Variants in FCMR observed in about 807,000 individuals in gnomAD.
FCMR encodes the protein immunoglobulin mu Fc receptor.
Under a neutral mutation model 41.6 loss-of-function variants are expected in FCMR, and 34 were observed. The observed-to-expected ratio is 0.82, with a 90% CI of 0.62 to 1.09. FCMR has a LOEUF of 1.09. Among genes scored for constraint, FCMR ranks in the 50% least tolerant of loss-of-function variants. The pLI, the probability that FCMR is intolerant of heterozygous loss-of-function variation, is 0.00. For missense variants in FCMR, 496 were observed against 512.5 expected, an observed-to-expected ratio of 0.97 and a Z score of 0.31; for synonymous variants, 209 against 211.8, an observed-to-expected ratio of 0.99 and a Z score of 0.12.
At chr1:206,916,407 A>G (rs985682318) in intron 1 of FCMR, among the ~76,000 whole-genome samples, 1 of 152,222 alleles carries the variant, frequency 6.6e-6, no homozygotes. Context: ...GCAAGATGGT[A>G]CACAACGGGC....
Position 206,909,862 on chromosome 1 carries a change from G to T in FCMR, c.848C>A (p.Ser283Tyr). The T allele has an allele frequency of 7.2e-7, 1 of 1,382,368 alleles. No individual in the cohort carries two copies. The highest frequency in any genetic ancestry group is 9.4e-7 in the Non-Finnish European group (1 of 1,069,436). The allele number at this position is 1,382,368 out of a possible 1,614,324, so 85.6% of individuals were successfully genotyped here. A position where few individuals can be genotyped will look rare whatever the true frequency, so the allele number is the denominator to read the frequency against. ...CACGGCCAGTCGGCGGGCCCGCCTG[G>T]AGAGGGCTTCCCCACAAAGCCACGG... ...KRAVERRKALSRRARRLAVRM... is the reference protein window; with the variant it reads ...KRAVERRKALYRRARRLAVRM... The change falls in exon 6 of 8, where the codon TCC becomes TAC. Residue 283 changes from serine (S) to tyrosine (Y), a missense_variant. Coordinates refer to ENST00000367091, the MANE Select transcript of FCMR (RefSeq NM_005449.5). This position sits in a 1 kb window ranked among gnomAD's most constrained non-coding sequence, Gnocchi z 5.0.
chr1:206,911,836 G>C lies in FCMR; in HGVS notation c.604C>G (p.Arg202Gly). The C allele has an allele frequency of 6.2e-7, 1 of 1,611,890 alleles. No homozygotes were observed. Among genetic ancestry groups the C allele is most frequent in the Non-Finnish European group, 8.5e-7 (1 of 1,179,126 alleles). ...GCTGTAGTGGATGGCAGGAAGGTTC[G>C]GGGCTTGTCACCTGCTACTGAAGAT... is the stretch of plus-strand genomic sequence containing the variant. ...RASSVAGDKP[R>G]TFLPSTTASK... is the part of the protein sequence containing the mutation. The change falls in exon 4 of 8, where the codon CGA becomes GGA. Residue 202 changes from arginine (R) to glycine (G), a missense_variant. Physicochemically the swap from Arg to Gly is moderately radical, Grantham distance 125 (BLOSUM62 -2). Coordinates refer to ENST00000367091, the MANE Select transcript of FCMR (RefSeq NM_005449.5).
intron 7 of FCMR, among the ~76,000 whole-genome samples, chr1:206,906,625 A>G (rs1361607749): frequency 6.6e-6 from 1 of 152,204 alleles, no homozygotes; most frequent in East Asian, 1.9e-4. Flanking sequence ...TCCCCATGGA[A>G]GCTATAATAA....
chr1:206,904,312 T>C lies in FCMR; in HGVS notation c.*707A>G, dbSNP rs1678525726. On this transcript the variant is annotated 3_prime_UTR_variant, in exon 8 of 8. Transcript: ENST00000367091. Reference sequence around the variant, plus strand: ...TAAAGAGATACTTTTTTTTTTTTTTTTTTAGAGGGGAGATGCTGAGGTCAG... The same window carrying C: ...TAAAGAGATACTTTTTTTTTTTTTTCTTTAGAGGGGAGATGCTGAGGTCAG... 6.6e-6 allele frequency: 1 copy of C among 152,080 alleles called. No individual in the cohort carries two copies. The highest frequency in any genetic ancestry group is 1.5e-5 in the Non-Finnish European group (1 of 67,990). 9.4% of individuals were successfully genotyped at this position (152,080 alleles called of 1,614,324 possible).
chr1:206,911,640 A>C, intron 4 of FCMR, 90 bp downstream of exon 4: 7 of 1,235,086 alleles, frequency 5.7e-6, no homozygotes. Context: ...GACAAAGCCA[A>C]GGAGGGTGTC....
Position 206,921,909 on chromosome 1 carries a change from A to G in FCMR, c.-55T>C, listed in dbSNP as rs1679456609. 1 of 1,509,194 alleles carries G rather than the reference A, an allele frequency of 6.6e-7. No individual in the cohort carries two copies. Among genetic ancestry groups the G allele is most frequent in the East Asian group, 2.3e-5 (1 of 44,356 alleles). The allele number at this position is 1,509,194 out of a possible 1,614,324, so 93.5% of individuals were successfully genotyped here. A position where few individuals can be genotyped will look rare whatever the true frequency, so the allele number is the denominator to read the frequency against. On this transcript the variant is annotated 5_prime_UTR_variant, in exon 1 of 8. Transcript: ENST00000367091. ...AGAGCCCCTAGAGAGGGGGATGGAG[A>G]CACGCTGCTTACTCAGGAACCCTTC...
At position 206,910,339 on chromosome 1, in the gene FCMR, C is replaced by G. The variant is rs1203839656; in HGVS notation, c.712G>C (p.Ala238Pro). ...NHHTRLHRQR[A>P]LDYGSQSGRE... is the part of the protein sequence containing the mutation. ...CCAGACTGTGAGCCATAGTCCAGTG[C>G]TCTGGGGAGGGAAGGAAAGGGAGAG... is the stretch of plus-strand genomic sequence containing the variant. The change falls in exon 5 of 8, where the codon GCA becomes CCA. Residue 238 changes from alanine (A) to proline (P), a missense_variant and splice_region_variant. Transcript: ENST00000367091. 1.3e-6 allele frequency: 2 copies of G among 1,548,472 alleles called. No individual in the cohort carries two copies. The highest frequency in any genetic ancestry group is 1.7e-6 in the Non-Finnish European group (2 of 1,147,198).
rs1356168468 is a variant in FCMR, at chr1:206,921,907, A to C, written c.-53T>G. On this transcript the variant is annotated 5_prime_UTR_variant, in exon 1 of 8. Coordinates refer to ENST00000367091, the MANE Select transcript of FCMR (RefSeq NM_005449.5). ...CAAGAGCCCCTAGAGAGGGGGATGGAGACACGCTGCTTACTCAGGAACCCT... is the reference window on the plus strand; with the variant it reads ...CAAGAGCCCCTAGAGAGGGGGATGGCGACACGCTGCTTACTCAGGAACCCT... The C allele has an allele frequency of 6.6e-7, 1 of 1,524,700 alleles. No homozygotes were observed. Among genetic ancestry groups the C allele is most frequent in the Non-Finnish European group, 9.1e-7 (1 of 1,099,146 alleles). The allele number at this position is 1,524,700 out of a possible 1,614,324, so 94.4% of individuals were successfully genotyped here.
intron 1 of FCMR, chr1:206,917,844 C>G (rs1392107862): frequency 6.6e-6 from 3 of 453,942 alleles, no homozygotes; most frequent in Non-Finnish European, 1.3e-5. Flanking sequence ...GTCTTGAATC[C>G]CAGGCTCAAA....
intron 4 of FCMR, 80 bp from the exon 5 acceptor site, chr1:206,910,420 A>G (rs1016432427): frequency 1.2e-5 from 14 of 1,172,504 alleles, no homozygotes; most frequent in East Asian, 6.2e-5. Flanking sequence ...TGTGTAGCCA[A>G]CGTTTTTGGA....
intron 4 of FCMR, among the ~76,000 whole-genome samples, chr1:206,910,615 C>G (rs1678898043): frequency 6.6e-6 from 1 of 152,190 alleles, no homozygotes; most frequent in African/African-American, 2.4e-5. Context: ...ATAGTAAAAT[C>G]TATTTCACAG....
rs1129999 is a variant in FCMR, at chr1:206,904,300, T to C, written c.*719A>G. 49,616 of 150,032 alleles carry C rather than the reference T, an allele frequency of 0.33. 9,399 individuals carry two copies. The highest frequency in any genetic ancestry group is 0.46 in the Middle Eastern group (132 of 286). 9.3% of individuals were successfully genotyped at this position (150,032 alleles called of 1,614,324 possible). On this transcript the variant is annotated 3_prime_UTR_variant, in exon 8 of 8. Coordinates refer to ENST00000367091, the MANE Select transcript of FCMR (RefSeq NM_005449.5). ...ATGGAAGAAAGATAAAGAGATACTTTTTTTTTTTTTTTTTTAGAGGGGAGA... is the reference window on the plus strand; with the variant it reads ...ATGGAAGAAAGATAAAGAGATACTTCTTTTTTTTTTTTTTTAGAGGGGAGA...
intron 1 of FCMR, among the ~76,000 whole-genome samples, chr1:206,916,334 G>C (rs767650538): frequency 6.6e-6 from 1 of 152,254 alleles, no homozygotes; most frequent in Non-Finnish European, 1.5e-5. Context: ...GTGGGAGCAC[G>C]TGGAAGTATT....
intron 1 of FCMR, among the ~76,000 whole-genome samples, chr1:206,917,488 C>T (rs186461375): frequency 3.3e-5 from 5 of 152,322 alleles, no homozygotes; most frequent in South Asian, 2.1e-4. Context: ...CCACCTGTAT[C>T]CTGAGTCCAT....
intron 3 of FCMR, 57 bp from the exon 4 acceptor site, chr1:206,912,009 G>T: frequency 7.4e-7 from 1 of 1,354,118 alleles, no homozygotes; most frequent in Non-Finnish European, 1.0e-6. Flanking sequence ...TTCTCCAACA[G>T]GATTAGGTCA....
chr1:206,920,971 C>T (rs1419560855), intron 1 of FCMR, among the ~76,000 whole-genome samples: 4 of 152,064 alleles, frequency 2.6e-5, no homozygotes, highest in Non-Finnish European at 5.9e-5. Flanking sequence ...TGATGATCAG[C>T]GATACTTCAG....
In FCMR at chr1:206,909,874, C is replaced by A; in HGVS notation, c.842-6G>T. 7.3e-7 allele frequency: 1 copy of A among 1,375,344 alleles called. No homozygotes were observed. The highest frequency in any genetic ancestry group is 9.4e-7 in the Non-Finnish European group (1 of 1,065,368). The allele number at this position is 1,375,344 out of a possible 1,614,324, so 85.2% of individuals were successfully genotyped here. A position where few individuals can be genotyped will look rare whatever the true frequency, so the allele number is the denominator to read the frequency against. The stretch of plus-strand genomic sequence containing the variant: ...GCGGGCCCGCCTGGAGAGGGCTTCC[C>A]CACAAAGCCACGGGAAGAGGGAGGA... On this transcript the variant is annotated splice_polypyrimidine_tract_variant and splice_region_variant and intron_variant, in intron 5 of 7. Coordinates refer to ENST00000367091, the MANE Select transcript of FCMR (RefSeq NM_005449.5). The surrounding 1 kb of genome is among the most constrained non-coding windows in gnomAD (Gnocchi z 5.0).
chr1:206,919,251 G>A (rs937555782), intron 1 of FCMR, among the ~76,000 whole-genome samples: 34 of 152,252 alleles, frequency 2.2e-4, no homozygotes, highest in Admixed American at 1.0e-3. Flanking sequence ...AGCTTGCACC[G>A]TCATTGAAAG....
intron 1 of FCMR, among the ~76,000 whole-genome samples, chr1:206,915,658 A>G (rs1017504521): frequency 6.6e-6 from 1 of 152,210 alleles, no homozygotes; most frequent in African/African-American, 2.4e-5. Context: ...AAGAAAGTTC[A>G]TAGGGTAAAG....
Sources: allele counts gnomAD v4.1 joint callset (sites outside exome capture counted in the v4.1 genomes callset), GRCh38; gene constraint gnomAD v4.1.1; non-coding constraint Gnocchi (gnomAD v3.1); transcripts MANE v1.5; gene names NCBI Gene and HGNC (gene_info 2026-07-23, HGNC 2026-07-21).